ARSJ: variants seen among roughly 807,000 people sequenced by gnomAD.
ARSJ encodes arylsulfatase J.
A neutral mutation model predicts 35.9 loss-of-function variants in ARSJ; 26 were observed. That is an observed-to-expected ratio of 0.72 (90% confidence interval 0.53 to 1.00). The LOEUF is 1.00. Among genes scored for constraint, ARSJ ranks in the 50% least tolerant of loss-of-function variants. The pLI is 0.00. For missense variants in ARSJ, 667 were observed against 723.6 expected, an observed-to-expected ratio of 0.92 and a Z score of 0.90; for synonymous variants, 294 against 267.6, an observed-to-expected ratio of 1.10 and a Z score of -0.96.
At chr4:113,972,319 C>A (rs72664900) in intron 1 of ARSJ, among the ~76,000 whole-genome samples, 51,538 of 114,796 alleles carry the variant, frequency 0.45, 12,870 homozygotes, top group Non-Finnish European at 0.59. Flanking sequence ...AAAAAAAAAA[C>A]CCCACCATGA....
chr4:113,919,743 A>G (rs1266923304), intron 1 of ARSJ, among the ~76,000 whole-genome samples: 2 of 152,164 alleles, frequency 1.3e-5, no homozygotes, highest in Admixed American at 1.3e-4. Flanking sequence ...TGTTTTTAGA[A>G]AAATTAGTAA....
chr4:113,915,966 C>G (rs17677221), intron 1 of ARSJ, among the ~76,000 whole-genome samples: 8,651 of 152,296 alleles, frequency 0.057, 327 homozygotes, highest in East Asian at 0.11. Context: ...GGAAAGGACA[C>G]TAACTGGAAA....
rs1727764308 is a variant in ARSJ, at chr4:113,978,891, G to A, written c.-57C>T. Reference sequence around the variant, plus strand: ...AGAACCACGCGCCCCGCGCCGCTGCGGGCGCACACATGCACCCAACAGACG... The same window carrying A: ...AGAACCACGCGCCCCGCGCCGCTGCAGGCGCACACATGCACCCAACAGACG... On this transcript the variant is annotated 5_prime_UTR_variant, in exon 1 of 2. Coordinates refer to ENST00000315366, the MANE Select transcript of ARSJ (RefSeq NM_024590.4). The A allele has an allele frequency of 1.3e-6, 2 of 1,519,082 alleles. No individual in the cohort carries two copies. The highest frequency in any genetic ancestry group is 4.3e-5 in the Admixed American group (2 of 46,562). 94.1% of individuals were successfully genotyped at this position (1,519,082 alleles called of 1,614,324 possible).
chr4:113,948,004 C>T, intron 1 of ARSJ, among the ~76,000 whole-genome samples: 1 of 152,018 alleles, frequency 6.6e-6, no homozygotes, highest in Non-Finnish European at 1.5e-5. Context: ...GCCTGGGCAA[C>T]ATGGTGAAAC....
Position 113,903,660 on chromosome 4 carries a change from G to A in ARSJ, c.414C>T (p.Thr138=), listed in dbSNP as rs1317564812. Residue 138 remains threonine, a synonymous_variant, in exon 2 of 2, where the codon ACC becomes ACT. Coordinates refer to ENST00000315366, the MANE Select transcript of ARSJ (RefSeq NM_024590.4). ...GTCTTATGATAGAATGTTGAAGTCC[G>A]GTGTGTATCTGATACCTTAAGAAAA... is the stretch of plus-strand genomic sequence containing the variant. The part of the protein sequence containing the change: ...QFITGKYQIH[T]GLQHSIIRPT... 4 of 1,610,630 alleles carry A rather than the reference G, an allele frequency of 2.5e-6. No individual in the cohort carries two copies. The highest frequency in any genetic ancestry group is 2.5e-6 in the Non-Finnish European group (3 of 1,177,188).
intron 1 of ARSJ, among the ~76,000 whole-genome samples, chr4:113,971,456 T>C (rs892784623): frequency 1.3e-5 from 2 of 152,220 alleles, no homozygotes; most frequent in African/African-American, 4.8e-5. Flanking sequence ...TTTAAAATTA[T>C]GGACTTTGAG....
Position 113,901,868 on chromosome 4 carries a change from CCATCAAATTAGCATGCTTGCGGATGGTA to C in ARSJ, c.*378_*405del. The C allele has an allele frequency of 2.6e-5, 1 of 38,228 alleles. No homozygotes were observed. The highest frequency in any genetic ancestry group is 1.2e-4 in the Non-Finnish European group (1 of 8,428). 2.4% of individuals were successfully genotyped at this position (38,228 alleles called of 1,614,324 possible). On this transcript the variant is annotated 3_prime_UTR_variant, in exon 2 of 2. Coordinates refer to ENST00000315366, the MANE Select transcript of ARSJ (RefSeq NM_024590.4). Reference sequence around the variant, plus strand: ...TTTTAATCATGCTACCCTGTAACTTCCATCAAATTAGCATGCTTGCGGATGGTATACCCTGTAACTTCCATCAAATTAG... The same window carrying C: ...TTTTAATCATGCTACCCTGTAACTTCTACCCTGTAACTTCCATCAAATTAG...
intron 1 of ARSJ, among the ~76,000 whole-genome samples, chr4:113,916,087 C>T (rs1260336334): frequency 6.6e-6 from 1 of 152,100 alleles, no homozygotes; most frequent in East Asian, 1.9e-4. Flanking sequence ...CAGGGTGTTT[C>T]CTGGGTGGTA....
Position 113,902,542 on chromosome 4 carries a change from C to T in ARSJ, c.1532G>A (p.Arg511Lys), listed in dbSNP as rs201324549. 2,021 of 1,613,970 alleles carry T rather than the reference C, an allele frequency of 1.3e-3. 2 individuals carry two copies. The highest frequency in any genetic ancestry group is 1.6e-3 in the Non-Finnish European group (1,920 of 1,180,026). The change falls in exon 2 of 2, where the codon AGG becomes AAG. Residue 511 changes from arginine to lysine, a missense_variant. Coordinates refer to ENST00000315366, the MANE Select transcript of ARSJ (RefSeq NM_024590.4). ...DPYERVDLSNRYPGIVKKLLR... is the reference protein window; with the variant it reads ...DPYERVDLSNKYPGIVKKLLR... Reference sequence around the variant, plus strand: ...GAGCTTCTTCACGATTCCTGGATACCTGTTAGATAGGTCCACCCTCTCATA... The same window carrying T: ...GAGCTTCTTCACGATTCCTGGATACTTGTTAGATAGGTCCACCCTCTCATA...
At chr4:113,950,256 A>G (rs891543373) in intron 1 of ARSJ, among the ~76,000 whole-genome samples, 4 of 152,206 alleles carry the variant, frequency 2.6e-5, no homozygotes, top group Non-Finnish European at 5.9e-5. Flanking sequence ...AAGGAAATCC[A>G]TCATAGAAAA....
chr4:113,915,889 A>G lies in ARSJ; in HGVS notation c.399-12214T>C, dbSNP rs149695461. 2.0e-4 allele frequency among the ~76,000 whole-genome samples: 30 copies of G among 152,342 alleles called. No homozygotes were observed. The East Asian group carries it at 4.8e-3, about 24-fold the overall frequency. On this transcript the variant is annotated intron_variant, in intron 1 of 1. Coordinates refer to ENST00000315366, the MANE Select transcript of ARSJ (RefSeq NM_024590.4). The stretch of plus-strand genomic sequence containing the variant: ...GAAAAGACATCCCAAAATTGCAAGT[A>G]AAGTGAAAAGTGATCACTGCCTAGG...
chr4:113,943,199 T>A (rs1275610217), intron 1 of ARSJ: 1 of 152,018 alleles, frequency 6.6e-6, no homozygotes, highest in Non-Finnish European at 1.5e-5. Flanking sequence ...GGGAATCATA[T>A]GTCCTTGAAT....
At chr4:113,969,400 G>T (rs1727100006) in intron 1 of ARSJ, among the ~76,000 whole-genome samples, 2 of 151,994 alleles carry the variant, frequency 1.3e-5, no homozygotes, top group Admixed American at 6.6e-5. Context: ...TTGGATGAGA[G>T]CTATGACTAT....
chr4:113,978,958 A>G lies in ARSJ; in HGVS notation c.-124T>C. On this transcript the variant is annotated 5_prime_UTR_variant, in exon 1 of 2. Coordinates refer to ENST00000315366, the MANE Select transcript of ARSJ (RefSeq NM_024590.4). ...TGGCAAGAAATCCTCCTCTCCTCTC[A>G]GCTGTCACCATGTCCGACAACTTTA... 2.9e-6 allele frequency: 3 copies of G among 1,027,378 alleles called. No homozygotes were observed. The highest frequency in any genetic ancestry group is 4.2e-6 in the Non-Finnish European group (3 of 710,192). The allele number at this position is 1,027,378 out of a possible 1,614,324, so 63.6% of individuals were successfully genotyped here. A position where few individuals can be genotyped will look rare whatever the true frequency, so the allele number is the denominator to read the frequency against.
intron 1 of ARSJ, among the ~76,000 whole-genome samples, chr4:113,940,573 G>C (rs957191735): frequency 2.6e-5 from 4 of 151,668 alleles, no homozygotes; most frequent in African/African-American, 9.7e-5. Context: ...GGTTTGACAG[G>C]TGCAGCAAAC....
chr4:113,955,150 A>T (rs1726097158), intron 1 of ARSJ, among the ~76,000 whole-genome samples: 1 of 151,962 alleles, frequency 6.6e-6, no homozygotes, highest in Non-Finnish European at 1.5e-5. Context: ...AGGGTAGAAC[A>T]AAAATTGAAA....
chr4:113,903,110 T>C lies in ARSJ; in HGVS notation c.964A>G (p.Ile322Val). Residue 322 changes from isoleucine (I) to valine (V), a missense_variant, in exon 2 of 2, where the codon ATC (isoleucine) becomes GTC (valine). Ile to Val is a conservative substitution (Grantham distance 29). Coordinates refer to ENST00000315366, the MANE Select transcript of ARSJ (RefSeq NM_024590.4). ...CCACCATTATCTGAAGAGTAAATGA[T>C]AATGCTGTTGTTATAGAAACCATAA... is the stretch of plus-strand genomic sequence containing the variant. ...KTYGFYNNSIIIYSSDNGGQP... is the reference protein window; with the variant it reads ...KTYGFYNNSIVIYSSDNGGQP... The C allele has an allele frequency of 6.2e-7, 1 of 1,614,236 alleles. No individual in the cohort carries two copies. Among genetic ancestry groups the C allele is most frequent in the South Asian group, 1.1e-5 (1 of 91,090 alleles).
chr4:113,906,890 G>C, intron 1 of ARSJ: 1 of 297,210 alleles, frequency 3.4e-6, no homozygotes. Context: ...TTTGCATAAC[G>C]CTTTTTAATT....
rs1020824553 is a variant in ARSJ, at chr4:113,912,733, G to T, written c.399-9058C>A. ...CATCAATTGTTGAATGAATAAATGA[G>T]AATGTGTGTGTGTGTGTGTGTGTGT... On this transcript the variant is annotated intron_variant, in intron 1 of 1. Coordinates refer to ENST00000315366, the MANE Select transcript of ARSJ (RefSeq NM_024590.4). Among the ~76,000 whole-genome samples the T allele has an allele frequency of 6.6e-5, 6 of 91,262 alleles. No individual in the cohort carries two copies. In the East Asian group the frequency reaches 2.0e-3, roughly 31 times the overall value. 59.9% of individuals were successfully genotyped at this position (91,262 alleles called of 152,430 possible).
Sources: gnomAD v4.1 joint callset for allele counts (sites outside exome capture counted in the v4.1 genomes callset) on GRCh38, gnomAD v4.1.1 for gene constraint, MANE v1.5 for transcripts, NCBI Gene and HGNC (gene_info 2026-07-23, HGNC 2026-07-21) for gene names.